SKI: variants seen among roughly 807,000 people sequenced by gnomAD.
SKI encodes SKI proto-oncogene, also known as ski oncogene.
SKI carries 23 observed loss-of-function variants against 59.3 expected under a neutral mutation model. The observed-to-expected ratio is 0.39, with a 90% confidence interval of 0.28 to 0.55. The LOEUF is 0.55. SKI is among the 20% of genes least tolerant of loss of function. The pLI is 0.67. For missense variants in SKI, 1,017 were observed against 1,038.9 expected (o/e 0.98, Z 0.29); for synonymous variants, 673 against 488.6 (o/e 1.38, Z -4.98).
chr1:2,299,865 T>G (rs1640381080), intron 1 of SKI, among the ~76,000 whole-genome samples: 2 of 152,218 alleles, frequency 1.3e-5, no homozygotes, highest in African/African-American at 4.8e-5. Flanking sequence ...TGTGCATTTT[T>G]GGAGAGCGTC....
At chr1:2,258,369 G>T (rs1639316670) in intron 1 of SKI, among the ~76,000 whole-genome samples, 1 of 152,176 alleles carries the variant, frequency 6.6e-6, no homozygotes, top group South Asian at 2.1e-4. Context: ...GGGAGGATGG[G>T]ACAGTGGCTG....
chr1:2,264,211 G>T (rs562970073), intron 1 of SKI, among the ~76,000 whole-genome samples: 4 of 152,112 alleles, frequency 2.6e-5, no homozygotes, highest in African/African-American at 9.7e-5. Context: ...AGGTATTTGC[G>T]TAGGTATAGA....
intron 1 of SKI, among the ~76,000 whole-genome samples, chr1:2,282,035 C>T (rs552282657): frequency 4.9e-5 from 1 of 20,236 alleles, no homozygotes; most frequent in Non-Finnish European, 9.8e-5. Flanking sequence ...AGAGGACGCC[C>T]GAGAAGACAG....
Position 2,245,852 on chromosome 1 carries a change from G to A in SKI, c.969+16117G>A, listed in dbSNP as rs1238520829. ...CACTCTGTTGCCCAGGCCAGAGTGC[G>A]GTGGCACAGTCTCGGCTCACTGCAA... On this transcript the variant is annotated intron_variant, in intron 1 of 6. Coordinates refer to ENST00000378536, the MANE Select transcript of SKI (RefSeq NM_003036.4). Among the ~76,000 whole-genome samples the A allele has an allele frequency of 5.1e-4, 69 of 134,576 alleles. 3 individuals are homozygous for A. In the Admixed American group the frequency reaches 5.7e-3, roughly 11 times the overall value. 88.3% of individuals were successfully genotyped at this position (134,576 alleles called of 152,430 possible). A position where few individuals can be genotyped will look rare whatever the true frequency, so the allele number is the denominator to read the frequency against.
chr1:2,248,073 TGAGTGCGC>T (rs1639038600), intron 1 of SKI: 1 of 152,144 alleles, frequency 6.6e-6, no homozygotes, highest in Admixed American at 6.5e-5. Context: ...GAGGCTGTGG[TGAGTGCGC>T]GGAAGGACCC....
rs767052019 is a variant in SKI at position 2,304,387 on chromosome 1, G to A, written c.1569G>A (p.Ser523=). 37 of 1,552,028 alleles carry A rather than the reference G, an allele frequency of 2.4e-5. No homozygotes were observed. Among genetic ancestry groups the A allele is most frequent in the Non-Finnish European group, 3.0e-5 (34 of 1,147,606 alleles). ...CCCCGGGTGCGCGTGCCCTGCCCTC[G>A]GCCGTCCCTGATGCTGCGGCCCCTG... ...LGSPGARALP[S]AVPDAAAPAD... Residue 523 remains serine (S), a synonymous_variant, in exon 5 of 7, where the codon TCG becomes TCA. Coordinates refer to ENST00000378536, the MANE Select transcript of SKI (RefSeq NM_003036.4).
At chr1:2,273,896 G>A (rs886897189) in intron 1 of SKI, among the ~76,000 whole-genome samples, 14 of 151,990 alleles carry the variant, frequency 9.2e-5, no homozygotes, top group African/African-American at 2.7e-4. Flanking sequence ...ATGCCTCTCC[G>A]CCCACCACCC....
chr1:2,286,529 T>C (rs1431903148), intron 1 of SKI, among the ~76,000 whole-genome samples: 1 of 152,216 alleles, frequency 6.6e-6, no homozygotes, highest in Non-Finnish European at 1.5e-5. Context: ...GTAAGAGTGT[T>C]TAACTTGTGG....
At chr1:2,286,235 C>T (rs781673961) in intron 1 of SKI, among the ~76,000 whole-genome samples, 8 of 152,212 alleles carry the variant, frequency 5.3e-5, no homozygotes, top group Non-Finnish European at 1.0e-4. Context: ...GGTGCAGTGG[C>T]TCACTCCTGT....
At chr1:2,258,455 T>C (rs1639318558) in intron 1 of SKI, among the ~76,000 whole-genome samples, 1 of 151,302 alleles carries the variant, frequency 6.6e-6, no homozygotes, top group Non-Finnish European at 1.5e-5. Context: ...GAGTTGAAAC[T>C]TGTCAGTCAG....
At chr1:2,271,057 G>A (rs914210358) in intron 1 of SKI, among the ~76,000 whole-genome samples, 1 of 152,206 alleles carries the variant, frequency 6.6e-6, no homozygotes, top group Non-Finnish European at 1.5e-5. Context: ...ACGGTCTGTG[G>A]GGGTTGGAGG....
intron 1 of SKI, among the ~76,000 whole-genome samples, chr1:2,233,224 A>G (rs1486332783): frequency 8.1e-6 from 1 of 123,908 alleles, no homozygotes; most frequent in Non-Finnish European, 1.7e-5. Flanking sequence ...TTCTGTTCCA[A>G]CAGGGCTGGT....
At chr1:2,277,774 T>A (rs1332371555) in intron 1 of SKI, among the ~76,000 whole-genome samples, 1 of 136,594 alleles carries the variant, frequency 7.3e-6, no homozygotes, top group Non-Finnish European at 1.5e-5. Flanking sequence ...TGGGCACACG[T>A]GCACACACGT....
chr1:2,259,123 T>C (rs1639330977), intron 1 of SKI, among the ~76,000 whole-genome samples: 1 of 152,178 alleles, frequency 6.6e-6, no homozygotes, highest in African/African-American at 2.4e-5. Flanking sequence ...CCAGATGACA[T>C]GGTGGCTCCT....
rs180926278 is a variant in SKI at position 2,255,317 on chromosome 1, C to T, written c.969+25582C>T. Among the ~76,000 whole-genome samples, 377 of 152,340 alleles carry T rather than the reference C, an allele frequency of 2.5e-3. 3 individuals are homozygous for T. The highest frequency in any genetic ancestry group is 0.011 in the South Asian group (52 of 4,830). The stretch of plus-strand genomic sequence containing the variant: ...TAGACCTGTACCTGCCACAGCCCCA[C>T]GTGCTGACACCTTGCGTCTTGAGTT... On this transcript the variant is annotated intron_variant, in intron 1 of 6. Transcript: ENST00000378536.
At chr1:2,252,927 C>G (rs1333679498) in intron 1 of SKI, among the ~76,000 whole-genome samples, 2 of 152,006 alleles carry the variant, frequency 1.3e-5, no homozygotes, top group Non-Finnish European at 2.9e-5. Flanking sequence ...AAAACTCCAT[C>G]TCTACTGAAA....
intron 1 of SKI, among the ~76,000 whole-genome samples, chr1:2,250,506 A>G (rs906911615): frequency 6.6e-6 from 1 of 152,246 alleles, no homozygotes; most frequent in African/African-American, 2.4e-5. Context: ...GCGAAGTTGC[A>G]GGAAGAACGT....
chr1:2,245,788 CTTTTTTTTTTTTTTTT>C (rs766445644), intron 1 of SKI, among the ~76,000 whole-genome samples: 2 of 70,366 alleles, frequency 2.8e-5, no homozygotes, highest in South Asian at 6.4e-4. Flanking sequence ...ATTTTTCCTT[CTTTTTTTTTTTTTTTT>C]TTTTTTTTTT....
chr1:2,276,420 C>T (rs747553718), intron 1 of SKI, among the ~76,000 whole-genome samples: 1 of 152,182 alleles, frequency 6.6e-6, no homozygotes, highest in South Asian at 2.1e-4. Flanking sequence ...GCCGGAAATG[C>T]GTGTCTGCTG....
Sources: gnomAD v4.1 joint callset for allele counts (sites outside exome capture counted in the v4.1 genomes callset) on GRCh38, gnomAD v4.1.1 for gene constraint, MANE v1.5 for transcripts, NCBI Gene and HGNC (gene_info 2026-07-23, HGNC 2026-07-21) for gene names.